GRIN3A: variants seen among roughly 807,000 people sequenced by gnomAD.
GRIN3A encodes the protein glutamate ionotropic receptor NMDA type subunit 3A, also known as glutamate receptor ionotropic, NMDA 3A.
A neutral mutation model predicts 92.4 loss-of-function variants in GRIN3A; 47 were observed. That is an observed-to-expected ratio of 0.51 (90% CI 0.40 to 0.65). The LOEUF (loss-of-function observed/expected upper bound fraction) is 0.65, where lower values mean the gene tolerates loss of function less well. GRIN3A is among the 30% of genes least tolerant of loss of function. The pLI is 0.00. For synonymous variants in GRIN3A, 527 were observed against 540.6 expected (o/e 0.97, Z 0.35); for missense variants, 1,324 against 1,393.1 (o/e 0.95, Z 0.79).
At chr9:101,694,976 C>T (rs1013498243) in intron 1 of GRIN3A, among the ~76,000 whole-genome samples, 1 of 152,212 alleles carries the variant, frequency 6.6e-6, no homozygotes, top group African/African-American at 2.4e-5. Flanking sequence ...GAGTCACTCA[C>T]ATCTTCATTT....
intron 1 of GRIN3A, among the ~76,000 whole-genome samples, chr9:101,712,001 C>T (rs979081131): frequency 1.3e-4 from 20 of 152,158 alleles, no homozygotes; most frequent in African/African-American, 4.8e-4. Flanking sequence ...TGAGCAACAC[C>T]CCTTTTCCTC....
chr9:101,609,423 C>T (rs1399882431), intron 6 of GRIN3A, among the ~76,000 whole-genome samples: 2 of 152,184 alleles, frequency 1.3e-5, no homozygotes, highest in African/African-American at 2.4e-5. Context: ...CAGGTTTTAT[C>T]ATACCCATTC....
At chr9:101,615,784 G>T (rs150183182) in intron 5 of GRIN3A, among the ~76,000 whole-genome samples, 2 of 152,232 alleles carry the variant, frequency 1.3e-5, no homozygotes, top group Non-Finnish European at 2.9e-5. Flanking sequence ...AGAATCCAAG[G>T]ATGATTTAAC....
At chr9:101,650,803 G>A (rs886565729) in intron 3 of GRIN3A, among the ~76,000 whole-genome samples, 2 of 151,852 alleles carry the variant, frequency 1.3e-5, no homozygotes, top group Non-Finnish European at 2.9e-5. Flanking sequence ...TGTTACCTCT[G>A]CCTGGAATTC....
chr9:101,591,951 T>C (rs1828032708), intron 6 of GRIN3A: 2 of 152,228 alleles, frequency 1.3e-5, no homozygotes, highest in Admixed American at 1.3e-4. Context: ...TTGGTCATAA[T>C]TTTAAAATTT....
Position 101,671,063 on chromosome 9 carries a change from C to T in GRIN3A, c.1349G>A (p.Arg450Lys), listed in dbSNP as rs1053967987. 17 of 1,613,920 alleles carry T rather than the reference C, an allele frequency of 1.1e-5. No individual in the cohort carries two copies. Among genetic ancestry groups the T allele is most frequent in the Non-Finnish European group, 1.4e-5 (17 of 1,179,880 alleles). ...GCTGACGATGGTGGAACCTTTTACT[C>T]TGATGGAACCACTGAGGCCTCTGAA... ...TTFRGLSGSI[R>K]VKGSTIVSSE... The change falls in exon 3 of 9, where the codon AGA becomes AAA. Residue 450 changes from arginine to lysine, a missense_variant. Physicochemically the swap from Arg to Lys is conservative, Grantham distance 26. Coordinates refer to ENST00000361820, the MANE Select transcript of GRIN3A (RefSeq NM_133445.3).
rs1486987907 is a variant in GRIN3A at position 101,569,686 on chromosome 9, A to T, written c.*3488T>A. On this transcript the variant is annotated 3_prime_UTR_variant, in exon 9 of 9. Coordinates refer to ENST00000361820, the MANE Select transcript of GRIN3A (RefSeq NM_133445.3). ...TAGGTGGGTAAAGAAAGGAATAACTAAACAGTATAGATAGTAAAGTAGTAT... is the reference window on the plus strand; with the variant it reads ...TAGGTGGGTAAAGAAAGGAATAACTTAACAGTATAGATAGTAAAGTAGTAT... 1 of 152,234 alleles carries T rather than the reference A, an allele frequency of 6.6e-6. No individual in the cohort carries two copies. Among genetic ancestry groups the T allele is most frequent in the Non-Finnish European group, 1.5e-5 (1 of 68,042 alleles). The allele number at this position is 152,234 out of a possible 1,614,324, so 9.4% of individuals were successfully genotyped here.
intron 5 of GRIN3A, 37 bp downstream of exon 5, chr9:101,623,281 C>T: frequency 7.1e-7 from 1 of 1,409,652 alleles, no homozygotes; most frequent in Non-Finnish European, 1.0e-6. Context: ...CTGAGCACAT[C>T]CTGAGTAAAA....
intron 6 of GRIN3A, among the ~76,000 whole-genome samples, chr9:101,610,574 C>CT (rs1828348856): frequency 1.1e-4 from 16 of 139,458 alleles, no homozygotes; most frequent in East Asian, 2.2e-4. Flanking sequence ...AGCTTGCATC[C>CT]ATCTATCTAT....
intron 3 of GRIN3A, among the ~76,000 whole-genome samples, chr9:101,642,805 T>G (rs1828883965): frequency 6.6e-6 from 1 of 152,068 alleles, no homozygotes; most frequent in African/African-American, 2.4e-5. Flanking sequence ...GGGATCTAGG[T>G]GGCAAGCATT....
chr9:101,662,814 A>G (rs1829187746), intron 3 of GRIN3A, among the ~76,000 whole-genome samples: 1 of 151,700 alleles, frequency 6.6e-6, no homozygotes, highest in Non-Finnish European at 1.5e-5. Context: ...TTTTCTTTTA[A>G]CCCAATTTTT....
intron 1 of GRIN3A, among the ~76,000 whole-genome samples, chr9:101,723,595 C>T (rs1830042421): frequency 2.0e-5 from 3 of 152,208 alleles, no homozygotes; most frequent in Admixed American, 1.3e-4. Flanking sequence ...CACCCATGTC[C>T]TGCTGATTGG....
At chr9:101,636,337 A>T (rs1283473293) in intron 3 of GRIN3A, among the ~76,000 whole-genome samples, 1 of 152,150 alleles carries the variant, frequency 6.6e-6, no homozygotes, top group Non-Finnish European at 1.5e-5. Context: ...GATAATAGCT[A>T]ATCTTTATTA....
At chr9:101,685,286 A>T (rs193132102) in intron 2 of GRIN3A, among the ~76,000 whole-genome samples, 350 of 143,884 alleles carry the variant, frequency 2.4e-3, no homozygotes, top group African/African-American at 8.1e-3. Flanking sequence ...AACTATTTGC[A>T]CCCCTTGACC....
intron 6 of GRIN3A, chr9:101,594,856 C>A: frequency 6.2e-7 from 1 of 1,605,244 alleles, no homozygotes; most frequent in Non-Finnish European, 8.5e-7. Context: ...TCCTGCCCAG[C>A]CTTTTAATTT....
chr9:101,671,946 C>T (rs1172505971), intron 2 of GRIN3A, among the ~76,000 whole-genome samples: 1 of 152,100 alleles, frequency 6.6e-6, no homozygotes, highest in African/African-American at 2.4e-5. Flanking sequence ...CTGATATGGA[C>T]TAGACAGAAA....
chr9:101,719,243 C>T (rs767663939), intron 1 of GRIN3A, among the ~76,000 whole-genome samples: 1 of 151,994 alleles, frequency 6.6e-6, no homozygotes, highest in Non-Finnish European at 1.5e-5. Context: ...ATAGTCAAAC[C>T]CCTTCTCTAA....
intron 6 of GRIN3A, among the ~76,000 whole-genome samples, chr9:101,583,924 T>C (rs907105619): frequency 6.6e-6 from 1 of 152,154 alleles, no homozygotes; most frequent in Non-Finnish European, 1.5e-5. Flanking sequence ...TGGCACAGTC[T>C]TGACTCACTG....
chr9:101,619,513 T>A (rs549102592), intron 5 of GRIN3A, among the ~76,000 whole-genome samples: 11 of 152,318 alleles, frequency 7.2e-5, no homozygotes, highest in African/African-American at 2.4e-4. Context: ...ATGCTTTATA[T>A]GTATTACTTA....
Sources: allele counts gnomAD v4.1 joint callset (sites outside exome capture counted in the v4.1 genomes callset), GRCh38; gene constraint gnomAD v4.1.1; transcripts MANE v1.5; gene names NCBI Gene and HGNC (gene_info 2026-07-23, HGNC 2026-07-21).